Variants in MXI1 observed in about 807,000 individuals in gnomAD.
MXI1 encodes MAX interactor 1, dimerization protein, also known as max-interacting protein 1.
In MXI1, 18 loss-of-function variants were observed where a neutral mutation model predicts 36.9. That is an observed-to-expected ratio of 0.49 (90% CI 0.34 to 0.72). The LOEUF (loss-of-function observed/expected upper bound fraction) is 0.72, where lower values mean the gene tolerates loss of function less well. Among genes scored for constraint, MXI1 ranks in the 30% least tolerant of loss-of-function variants. The pLI is 0.01. For missense variants in MXI1, 304 were observed against 379.1 expected (o/e 0.80, Z 1.64); for synonymous variants, 160 against 146.7 (o/e 1.09, Z -0.65).
At chr10:110,246,922 A>G (rs1243867877) in intron 3 of MXI1, among the ~76,000 whole-genome samples, 2 of 152,214 alleles carry the variant, frequency 1.3e-5, no homozygotes, top group Non-Finnish European at 2.9e-5. Context: ...TCCTAAAAAT[A>G]AAACCTTAAA....
intron 3 of MXI1, among the ~76,000 whole-genome samples, chr10:110,271,894 T>G (rs148660432): frequency 8.5e-5 from 13 of 152,296 alleles, no homozygotes; most frequent in African/African-American, 3.1e-4. Flanking sequence ...ATCTGTGTAG[T>G]TTGAGAAAGA....
In MXI1 at chr10:110,207,962, T is replaced by G; in HGVS notation, c.154T>G (p.Ser52Ala). The change falls in exon 1 of 6, where the codon TCA becomes GCA. Residue 52 changes from serine to alanine, a missense_variant. Physicochemically the swap from Ser to Ala is moderately conservative, Grantham distance 99. Transcript: ENST00000332674. ...PAGAKPRCPF[S>A]DIFNTSENSM... ...TGGGGCCAAGCCCAGGTGCCCCTTC[T>G]CAGACATTTTCAACACCAGCGAGAA... is the stretch of plus-strand genomic sequence containing the variant. 6.3e-7 allele frequency: 1 copy of G among 1,595,164 alleles called. No individual in the cohort carries two copies. Among genetic ancestry groups the G allele is most frequent in the Non-Finnish European group, 8.5e-7 (1 of 1,171,310 alleles).
At position 110,287,336 on chromosome 10, in the gene MXI1, T is replaced by C. The variant is rs1421044538; in HGVS notation, c.*2349T>C. On this transcript the variant is annotated 3_prime_UTR_variant, in exon 6 of 6. Coordinates refer to ENST00000332674, the MANE Select transcript of MXI1 (RefSeq NM_130439.3). The stretch of plus-strand genomic sequence containing the variant: ...TCAACTTTGAAGACACAAAAGTTAA[T>C]TGGAAGAAATAAAAACTGTGAACGA... 2.0e-5 allele frequency: 3 copies of C among 152,244 alleles called. No individual in the cohort carries two copies. The highest frequency in any genetic ancestry group is 4.4e-5 in the Non-Finnish European group (3 of 68,038). The allele number at this position is 152,244 out of a possible 1,614,324, so 9.4% of individuals were successfully genotyped here.
At chr10:110,213,282 A>T (rs910391977) in intron 1 of MXI1, among the ~76,000 whole-genome samples, 1 of 152,244 alleles carries the variant, frequency 6.6e-6, no homozygotes, top group Non-Finnish European at 1.5e-5. Flanking sequence ...ACTAATGTTC[A>T]AGCTGGTCAC....
In MXI1 at chr10:110,279,217, G is replaced by A. The variant is rs745849892; in HGVS notation, c.475G>A (p.Val159Ile). Reference protein sequence around the residue: ...HLRLCLERLKVLIPLGPDCTR... With the variant: ...HLRLCLERLKILIPLGPDCTR... ...GCGCCTTTGTTTAGAACGCTTAAAAGTTCTGATTCCACTAGGACCAGACTG... is the reference window on the plus strand; with the variant it reads ...GCGCCTTTGTTTAGAACGCTTAAAAATTCTGATTCCACTAGGACCAGACTG... Residue 159 changes from valine to isoleucine, a missense_variant, in exon 4 of 6, where the codon GTT (valine) becomes ATT (isoleucine). Physicochemically the swap from Val to Ile is conservative, Grantham distance 29 (BLOSUM62 3). Transcript: ENST00000332674. The A allele has an allele frequency of 3.7e-6, 6 of 1,614,172 alleles. No individual in the cohort carries two copies. The highest frequency in any genetic ancestry group is 4.5e-5 in the East Asian group (2 of 44,882).
chr10:110,208,384 A>G, intron 1 of MXI1: 2 of 203,650 alleles, frequency 9.8e-6, no homozygotes, highest in Non-Finnish European at 9.8e-6. Flanking sequence ...CTGACAACTG[A>G]GCCGAGAGCT....
At chr10:110,241,924 C>A (rs983110847) in intron 2 of MXI1, among the ~76,000 whole-genome samples, 26 of 151,946 alleles carry the variant, frequency 1.7e-4, no homozygotes, top group African/African-American at 5.8e-4. Context: ...AAACTGTAAA[C>A]CAGCGAGGTT....
intron 3 of MXI1, among the ~76,000 whole-genome samples, chr10:110,246,526 T>C (rs560474510): frequency 6.6e-6 from 1 of 152,340 alleles, no homozygotes; most frequent in South Asian, 2.1e-4. Flanking sequence ...TCAGGCAGAC[T>C]CAGTGGCTTT....
Position 110,281,639 on chromosome 10 carries a change from T to C in MXI1, c.724+1554T>C, listed in dbSNP as rs75785428. On this transcript the variant is annotated intron_variant, in intron 5 of 5. Coordinates refer to ENST00000332674, the MANE Select transcript of MXI1 (RefSeq NM_130439.3). The stretch of plus-strand genomic sequence containing the variant: ...TAGGTATAGATCTGTGTGTTGTATA[T>C]ATGTACATATTTTTTTAAACATCAA... Among the ~76,000 whole-genome samples the C allele has an allele frequency of 5.9e-5, 9 of 152,366 alleles. No individual in the cohort carries two copies. In the East Asian group the frequency reaches 1.7e-3, roughly 29 times the overall value.
chr10:110,271,827 T>G (rs1856863277), intron 3 of MXI1, among the ~76,000 whole-genome samples: 1 of 152,220 alleles, frequency 6.6e-6, no homozygotes, highest in East Asian at 1.9e-4. Context: ...GAGTGGCACT[T>G]CATGTTCTTC....
At chr10:110,228,573 G>C (rs1590344062) in intron 2 of MXI1, among the ~76,000 whole-genome samples, 1 of 152,126 alleles carries the variant, frequency 6.6e-6, no homozygotes, top group African/African-American at 2.4e-5. Flanking sequence ...TGAGAGACTT[G>C]GCAGCATGTG....
chr10:110,223,542 A>T (rs187666729), intron 1 of MXI1, among the ~76,000 whole-genome samples: 8 of 152,272 alleles, frequency 5.3e-5, no homozygotes, highest in Admixed American at 2.6e-4. Flanking sequence ...ACTGCACTCC[A>T]GCTGGGGTGA....
chr10:110,263,258 C>T (rs1395387225), intron 3 of MXI1, among the ~76,000 whole-genome samples: 1 of 152,100 alleles, frequency 6.6e-6, no homozygotes, highest in East Asian at 1.9e-4. Flanking sequence ...TAGGAAGGCA[C>T]ATAGTGAGAT....
In MXI1 at chr10:110,279,255, A is replaced by C; in HGVS notation, c.513A>C (p.Thr171=). The stretch of plus-strand genomic sequence containing the variant: ...TAGGACCAGACTGCACCCGGCACAC[A>C]ACACTTGGTTTGCTCAACAAAGCCA... The part of the protein sequence containing the change: ...IPLGPDCTRH[T]TLGLLNKAKA... The change falls in exon 4 of 6, where the codon ACA becomes ACC. Residue 171 remains threonine (T), a synonymous_variant. Transcript: ENST00000332674. The C allele has an allele frequency of 6.2e-7, 1 of 1,614,206 alleles. No individual in the cohort carries two copies. The highest frequency in any genetic ancestry group is 8.5e-7 in the Non-Finnish European group (1 of 1,180,030).
intron 1 of MXI1, chr10:110,210,213 A>AG (rs1304632056): frequency 1.0e-6 from 1 of 980,944 alleles, no homozygotes; most frequent in Non-Finnish European, 1.2e-6. Flanking sequence ...GGTGAAGCCG[A>AG]GGGGCTTCCT....
At chr10:110,244,225 C>G (rs1174609699) in intron 2 of MXI1, among the ~76,000 whole-genome samples, 1 of 152,032 alleles carries the variant, frequency 6.6e-6, no homozygotes, top group Non-Finnish European at 1.5e-5. Context: ...TTCGAGTTAT[C>G]CAGTCTTGTA....
At chr10:110,251,796 A>C (rs556018306) in intron 3 of MXI1, among the ~76,000 whole-genome samples, 1 of 152,286 alleles carries the variant, frequency 6.6e-6, no homozygotes, top group East Asian at 1.9e-4. Flanking sequence ...GAGCCATGGA[A>C]GCAGGAATGT....
At chr10:110,247,504 G>A (rs1170468674) in intron 3 of MXI1, among the ~76,000 whole-genome samples, 1 of 152,108 alleles carries the variant, frequency 6.6e-6, no homozygotes, top group Non-Finnish European at 1.5e-5. Context: ...TTCTTCTAGG[G>A]TTTTTATGGT....
chr10:110,229,497 T>C (rs1855184804), intron 2 of MXI1, among the ~76,000 whole-genome samples: 1 of 152,228 alleles, frequency 6.6e-6, no homozygotes, highest in South Asian at 2.1e-4. Context: ...CATCCCACTC[T>C]GTATTTCAGA....
Sources: allele counts gnomAD v4.1 joint callset (sites outside exome capture counted in the v4.1 genomes callset), GRCh38; gene constraint gnomAD v4.1.1; transcripts MANE v1.5; gene names NCBI Gene and HGNC (gene_info 2026-07-23, HGNC 2026-07-21).